PTPN1: variants seen among roughly 807,000 people sequenced by gnomAD.
PTPN1 encodes protein tyrosine phosphatase non-receptor type 1, also known as tyrosine-protein phosphatase non-receptor type 1.
A neutral mutation model predicts 59.9 loss-of-function variants in PTPN1; 12 were observed. The ratio of observed to expected loss-of-function variants is 0.20; its 90% CI spans 0.13 to 0.32. The LOEUF is 0.32. Among genes scored for constraint, PTPN1 ranks in the 10% least tolerant of loss-of-function variants. The pLI, the probability that PTPN1 is intolerant of heterozygous loss-of-function variation, is 1.00. For synonymous variants in PTPN1, 178 were observed against 203.6 expected, an observed-to-expected ratio of 0.87 and a Z score of 1.07; for missense variants, 356 against 549.2, an observed-to-expected ratio of 0.65 and a Z score of 3.52.
chr20:50,569,408 C>A (rs1266270970), intron 4 of PTPN1, among the ~76,000 whole-genome samples: 1 of 152,202 alleles, frequency 6.6e-6, no homozygotes, highest in East Asian at 1.9e-4. Flanking sequence ...TGGACGGCTG[C>A]CCCCAGCTCC....
At chr20:50,526,735 G>A (rs940141323) in intron 1 of PTPN1, among the ~76,000 whole-genome samples, 1 of 151,594 alleles carries the variant, frequency 6.6e-6, no homozygotes, top group African/African-American at 2.4e-5. Flanking sequence ...TCCCCCCACC[G>A]CAGCCTCCTC....
At chr20:50,528,928 C>CT (rs2082589210) in intron 1 of PTPN1, among the ~76,000 whole-genome samples, 1 of 151,996 alleles carries the variant, frequency 6.6e-6, no homozygotes. Flanking sequence ...TTCTCTGTTC[C>CT]TTTTTATAGT....
chr20:50,550,547 G>A (rs527483110), intron 1 of PTPN1, among the ~76,000 whole-genome samples: 16 of 152,320 alleles, frequency 1.1e-4, no homozygotes, highest in African/African-American at 3.4e-4. Flanking sequence ...TTTGTAACAA[G>A]TAATTGAGAA....
intron 1 of PTPN1, among the ~76,000 whole-genome samples, chr20:50,551,520 G>A (rs931744305): frequency 2.0e-5 from 3 of 152,220 alleles, no homozygotes; most frequent in Non-Finnish European, 4.4e-5. Context: ...GCACACCCAA[G>A]CCTGCTTCAG....
At chr20:50,580,788 G>T (rs1162543391) in intron 8 of PTPN1, among the ~76,000 whole-genome samples, 3 of 152,328 alleles carry the variant, frequency 2.0e-5, no homozygotes, top group Non-Finnish European at 2.9e-5. Context: ...TTGTAGTAGT[G>T]AAAAATTAGA....
chr20:50,563,597 G>A (rs1003940735), intron 2 of PTPN1, among the ~76,000 whole-genome samples: 32 of 152,096 alleles, frequency 2.1e-4, no homozygotes, highest in African/African-American at 7.5e-4. Flanking sequence ...TTTGTACTAA[G>A]CCTCCATAAT....
At chr20:50,526,836 C>T (rs1189837572) in intron 1 of PTPN1, among the ~76,000 whole-genome samples, 1 of 152,140 alleles carries the variant, frequency 6.6e-6, no homozygotes, top group Non-Finnish European at 1.5e-5. Context: ...CCTACCACCT[C>T]TAGCCCTGGA....
intron 4 of PTPN1, chr20:50,574,267 C>A: frequency 2.2e-6 from 1 of 452,002 alleles, no homozygotes; most frequent in South Asian, 3.6e-5. Flanking sequence ...GATCCCGTTG[C>A]CACGTTTGAC....
chr20:50,570,758 AG>A (rs1221543392), intron 4 of PTPN1, among the ~76,000 whole-genome samples: 3 of 152,158 alleles, frequency 2.0e-5, no homozygotes, highest in Non-Finnish European at 2.9e-5. Context: ...TGGGCGCTGT[AG>A]GAAGTTTAGC....
At chr20:50,572,269 A>G (rs1341411254) in intron 4 of PTPN1, 1 of 152,168 alleles carries the variant, frequency 6.6e-6, no homozygotes, top group Non-Finnish European at 1.5e-5. Flanking sequence ...AAATCCATCT[A>G]CTTTTCATGG....
intron 5 of PTPN1, among the ~76,000 whole-genome samples, chr20:50,576,120 G>A (rs1348469391): frequency 6.6e-6 from 1 of 152,180 alleles, no homozygotes; most frequent in South Asian, 2.1e-4. Flanking sequence ...GGGGCAGAGG[G>A]TTCTGAGTAC....
At chr20:50,580,967 T>G (rs1219932142) in intron 8 of PTPN1, among the ~76,000 whole-genome samples, 4 of 152,166 alleles carry the variant, frequency 2.6e-5, no homozygotes, top group Non-Finnish European at 4.4e-5. Context: ...CAGTGAGTCC[T>G]CCAGCCAGAT....
chr20:50,522,790 G>T (rs985787427), intron 1 of PTPN1, among the ~76,000 whole-genome samples: 1 of 152,166 alleles, frequency 6.6e-6, no homozygotes, highest in African/African-American at 2.4e-5. Flanking sequence ...TTTTGCTCTT[G>T]TTGCCCAGGC....
chr20:50,513,811 T>A (rs1056644922), intron 1 of PTPN1, among the ~76,000 whole-genome samples: 2 of 152,226 alleles, frequency 1.3e-5, no homozygotes, highest in Non-Finnish European at 2.9e-5. Flanking sequence ...CAATAATGTT[T>A]ATTTAAATAC....
chr20:50,510,391 G>A lies in PTPN1; in HGVS notation c.-137G>A. 1 of 893,828 alleles carries A rather than the reference G, an allele frequency of 1.1e-6. No homozygotes were observed. Among genetic ancestry groups the A allele is most frequent in the Non-Finnish European group, 1.7e-6 (1 of 591,080 alleles). 55.4% of individuals were successfully genotyped at this position (893,828 alleles called of 1,614,324 possible). ...TCCGGCTGCCGGTTGACATGAAGAA[G>A]CAGCAGCGGCTAGGGCGGCGGTAGC... is the stretch of plus-strand genomic sequence containing the variant. On this transcript the variant is annotated 5_prime_UTR_variant, in exon 1 of 10. Coordinates refer to ENST00000371621, the MANE Select transcript of PTPN1 (RefSeq NM_002827.4).
rs2082501484 is a variant in PTPN1 at position 50,510,507 on chromosome 20, C to A, written c.-21C>A. The A allele has an allele frequency of 6.5e-7, 1 of 1,548,842 alleles. No individual in the cohort carries two copies. The highest frequency in any genetic ancestry group is 8.7e-7 in the Non-Finnish European group (1 of 1,145,796). ...GGCGCAGTGGGCCGAGAAGGAGGCG[C>A]AGCAGCCGCCCTGGCCCGTCATGGA... On this transcript the variant is annotated 5_prime_UTR_variant, in exon 1 of 10. Transcript: ENST00000371621.
intron 1 of PTPN1, among the ~76,000 whole-genome samples, chr20:50,537,963 A>G (rs990286456): frequency 1.8e-4 from 28 of 152,200 alleles, no homozygotes; most frequent in Admixed American, 1.3e-4. Flanking sequence ...TTCCAGCAAC[A>G]GAGGAGGCTT....
intron 1 of PTPN1, among the ~76,000 whole-genome samples, chr20:50,550,353 A>C (rs2082697052): frequency 6.6e-6 from 1 of 152,208 alleles, no homozygotes; most frequent in Non-Finnish European, 1.5e-5. Flanking sequence ...CTGAAGTTCC[A>C]GTGAGTAAAA....
At chr20:50,559,972 T>C (rs758925361) in intron 1 of PTPN1, among the ~76,000 whole-genome samples, 1 of 152,016 alleles carries the variant, frequency 6.6e-6, no homozygotes, top group Non-Finnish European at 1.5e-5. Context: ...TATTGGAGTA[T>C]GAGAACCTTG....
Sources: gnomAD v4.1 joint callset for allele counts (sites outside exome capture counted in the v4.1 genomes callset) on GRCh38, gnomAD v4.1.1 for gene constraint, MANE v1.5 for transcripts, NCBI Gene and HGNC (gene_info 2026-07-23, HGNC 2026-07-21) for gene names.